The following PARM1 variants were observed in gnomAD, a reference collection of about 807,000 sequenced individuals.
PARM1 encodes the protein prostate androgen-regulated mucin-like protein 1.
A neutral mutation model predicts 24.6 loss-of-function variants in PARM1; 14 were observed. The ratio of observed to expected loss-of-function variants is 0.57; its 90% CI spans 0.38 to 0.89. PARM1 has a LOEUF of 0.89. PARM1 is among the 40% of genes least tolerant of loss of function. The probability of loss-of-function intolerance (pLI) is 0.00; values close to 1 mark genes in which losing one functional copy is unlikely to be tolerated. For synonymous variants in PARM1, 179 were observed against 156.6 expected, an observed-to-expected ratio of 1.14 and a Z score of -1.07; for missense variants, 362 against 380.4, an observed-to-expected ratio of 0.95 and a Z score of 0.40.
chr4:75,019,684 A>G (rs1392134775), intron 2 of PARM1, among the ~76,000 whole-genome samples: 2 of 152,262 alleles, frequency 1.3e-5, no homozygotes, highest in African/African-American at 4.8e-5. Flanking sequence ...TGTAGAAAAG[A>G]TGAAACAATA....
At chr4:75,003,166 C>T (rs1722712634) in intron 1 of PARM1, among the ~76,000 whole-genome samples, 1 of 152,124 alleles carries the variant, frequency 6.6e-6, no homozygotes, top group Non-Finnish European at 1.5e-5. Context: ...TCCATGGCCC[C>T]ACCCTGAGAA....
At chr4:74,985,958 G>A (rs1396222772) in intron 1 of PARM1, among the ~76,000 whole-genome samples, 1 of 151,982 alleles carries the variant, frequency 6.6e-6, no homozygotes, top group African/African-American at 2.4e-5. Context: ...TAGTAGAGAC[G>A]AGGTTTCACT....
chr4:74,945,771 G>T (rs1438299174), intron 1 of PARM1, among the ~76,000 whole-genome samples: 1 of 152,100 alleles, frequency 6.6e-6, no homozygotes, highest in Non-Finnish European at 1.5e-5. Context: ...AAGAAAAACA[G>T]CCCTCAGAAG....
chr4:75,024,113 A>G (rs28440133), intron 2 of PARM1, among the ~76,000 whole-genome samples: 4,573 of 152,250 alleles, frequency 0.03, 238 homozygotes, highest in African/African-American at 0.1. Context: ...CTACTAAAAA[A>G]TACCAAAAAT....
intron 2 of PARM1, among the ~76,000 whole-genome samples, chr4:75,019,866 G>A (rs1211953424): frequency 1.4e-4 from 21 of 150,428 alleles, no homozygotes; most frequent in East Asian, 1.2e-3. Flanking sequence ...AGCCGGGCGC[G>A]GTGGCGGGCG....
Position 75,033,979 on chromosome 4 carries a change from C to G in PARM1, c.848+18C>G. On this transcript the variant is annotated intron_variant, in intron 3 of 3. Coordinates refer to ENST00000307428, the MANE Select transcript of PARM1 (RefSeq NM_015393.4). ...AAAATCAGGTGAGACGCAGCTTACTCTTAAAAAAAAGGGATTCTGTTTTGT... is the reference window on the plus strand; with the variant it reads ...AAAATCAGGTGAGACGCAGCTTACTGTTAAAAAAAAGGGATTCTGTTTTGT... 2 of 1,573,226 alleles carry G rather than the reference C, an allele frequency of 1.3e-6. No homozygotes were observed. The highest frequency in any genetic ancestry group is 1.7e-6 in the Non-Finnish European group (2 of 1,156,994).
intron 2 of PARM1, among the ~76,000 whole-genome samples, chr4:75,031,025 A>G (rs1485941025): frequency 6.6e-6 from 1 of 151,994 alleles, no homozygotes; most frequent in East Asian, 1.9e-4. Flanking sequence ...GGGCTCAGCA[A>G]CCCCTTCATG....
At chr4:74,968,713 C>G (rs1266493394) in intron 1 of PARM1, among the ~76,000 whole-genome samples, 1 of 152,128 alleles carries the variant, frequency 6.6e-6, no homozygotes, top group Non-Finnish European at 1.5e-5. Context: ...ATTTTTTATT[C>G]ATTCATTCAG....
intron 1 of PARM1, among the ~76,000 whole-genome samples, chr4:74,942,534 A>G (rs1463477199): frequency 2.0e-5 from 3 of 152,260 alleles, no homozygotes; most frequent in Admixed American, 6.5e-5. Flanking sequence ...ATATCAATGA[A>G]TGGAAATGCC....
At chr4:74,988,898 A>G (rs892593968) in intron 1 of PARM1, among the ~76,000 whole-genome samples, 4 of 152,180 alleles carry the variant, frequency 2.6e-5, no homozygotes, top group African/African-American at 9.7e-5. Context: ...GATTAAGATT[A>G]CAAAGGTAGT....
intron 1 of PARM1, chr4:74,970,372 C>G (rs1293696986): frequency 6.6e-6 from 1 of 152,102 alleles, no homozygotes. Flanking sequence ...GGTTGTGGAC[C>G]ATGTGAGGCT....
rs911495455 is a variant in PARM1, at chr4:75,048,799, C to T, written c.*2552C>T. ...AGAGCAGATATATTCAGCAAGGTGA[C>T]AGCTTCCCATAACAATTCTAACACT... On this transcript the variant is annotated 3_prime_UTR_variant, in exon 4 of 4. Coordinates refer to ENST00000307428, the MANE Select transcript of PARM1 (RefSeq NM_015393.4). The T allele has an allele frequency of 6.6e-6, 1 of 152,600 alleles. No homozygotes were observed. The highest frequency in any genetic ancestry group is 6.5e-5 in the Admixed American group (1 of 15,284). 9.5% of individuals were successfully genotyped at this position (152,600 alleles called of 1,614,324 possible).
intron 1 of PARM1, among the ~76,000 whole-genome samples, chr4:74,997,051 G>T (rs1449285799): frequency 2.0e-5 from 3 of 152,188 alleles, no homozygotes; most frequent in African/African-American, 7.2e-5. Context: ...GAAGACTAGT[G>T]AATGCAATTA....
intron 1 of PARM1, among the ~76,000 whole-genome samples, chr4:74,946,551 G>T (rs1049055553): frequency 6.6e-6 from 1 of 152,130 alleles, no homozygotes; most frequent in Admixed American, 6.5e-5. Flanking sequence ...AAGAATGAAG[G>T]CTCCTGGGAG....
At chr4:74,935,517 A>G (rs888057430) in intron 1 of PARM1, among the ~76,000 whole-genome samples, 5 of 152,220 alleles carry the variant, frequency 3.3e-5, no homozygotes, top group African/African-American at 1.2e-4. Flanking sequence ...GAAAGTGCAC[A>G]CACATGTGTT....
At chr4:75,036,485 A>G (rs527536886) in intron 3 of PARM1, among the ~76,000 whole-genome samples, 3 of 152,268 alleles carry the variant, frequency 2.0e-5, no homozygotes, top group Non-Finnish European at 4.4e-5. Context: ...TCTACCTTGT[A>G]GTGTTGTTTG....
rs1477881965 is a variant in PARM1 at position 74,987,073 on chromosome 4, A to G, written c.44-25352A>G. On this transcript the variant is annotated intron_variant, in intron 1 of 3. Coordinates refer to ENST00000307428, the MANE Select transcript of PARM1 (RefSeq NM_015393.4). ...TAATACATACTAAATGTTCAATATT[A>G]TTAGTGCTTTTCTTTCATATTTGCT... is the stretch of plus-strand genomic sequence containing the variant. 2.0e-5 allele frequency among the ~76,000 whole-genome samples: 3 copies of G among 152,214 alleles called. No homozygotes were observed. The East Asian group carries it at 5.8e-4, about 29-fold the overall frequency.
At chr4:74,958,086 C>G (rs1481720968) in intron 1 of PARM1, among the ~76,000 whole-genome samples, 3 of 152,092 alleles carry the variant, frequency 2.0e-5, no homozygotes, top group Non-Finnish European at 4.4e-5. Context: ...ATACCTTGCT[C>G]CCTGCCTGAA....
At chr4:74,971,499 G>GT (rs1722036869) in intron 1 of PARM1, among the ~76,000 whole-genome samples, 1 of 152,110 alleles carries the variant, frequency 6.6e-6, no homozygotes, top group Non-Finnish European at 1.5e-5. Flanking sequence ...AATGAGATGT[G>GT]TTTCACAATC....
Sources: gnomAD v4.1 joint callset for allele counts (sites outside exome capture counted in the v4.1 genomes callset) on GRCh38, gnomAD v4.1.1 for gene constraint, MANE v1.5 for transcripts, NCBI Gene and HGNC (gene_info 2026-07-23, HGNC 2026-07-21) for gene names.